MICU1: variants seen among roughly 807,000 people sequenced by gnomAD.
MICU1 encodes calcium uptake protein 1, mitochondrial.
In MICU1, 45 loss-of-function variants were observed where a neutral mutation model predicts 56.8. The ratio of observed to expected loss-of-function variants is 0.79; its 90% CI spans 0.62 to 1.02. The LOEUF is 1.02. MICU1 is among the 50% of genes least tolerant of loss of function. The pLI, the probability that MICU1 is intolerant of heterozygous loss-of-function variation, is 0.00. For synonymous variants in MICU1, 186 were observed against 195.1 expected, an observed-to-expected ratio of 0.95 and a Z score of 0.39; for missense variants, 504 against 587.1, an observed-to-expected ratio of 0.86 and a Z score of 1.46.
intron 3 of MICU1, among the ~76,000 whole-genome samples, chr10:72,553,643 T>C (rs762329581): frequency 6.6e-6 from 1 of 152,164 alleles, no homozygotes; most frequent in Non-Finnish European, 1.5e-5. Context: ...TTACTAGCAA[T>C]GAGGACTTTG....
intron 2 of MICU1, among the ~76,000 whole-genome samples, chr10:72,565,285 T>C (rs1297864505): frequency 6.6e-6 from 1 of 151,926 alleles, no homozygotes; most frequent in African/African-American, 2.4e-5. Flanking sequence ...GTGGCACATA[T>C]ACACCATGGA....
At chr10:72,491,386 C>T (rs1202686414) in intron 6 of MICU1, among the ~76,000 whole-genome samples, 1 of 152,164 alleles carries the variant, frequency 6.6e-6, no homozygotes, top group Non-Finnish European at 1.5e-5. Flanking sequence ...TTTAGTTTAC[C>T]TGCTTCATAT....
intron 6 of MICU1, among the ~76,000 whole-genome samples, chr10:72,491,856 C>G (rs1866666704): frequency 6.6e-6 from 1 of 151,634 alleles, no homozygotes; most frequent in Non-Finnish European, 1.5e-5. Flanking sequence ...TCTACAGTAC[C>G]ATAAACACAG....
chr10:72,457,786 G>T (rs985834640), intron 8 of MICU1, among the ~76,000 whole-genome samples: 1 of 152,058 alleles, frequency 6.6e-6, no homozygotes, highest in Non-Finnish European at 1.5e-5. Context: ...ACACCAATGG[G>T]TACAGTAATT....
At chr10:72,541,008 A>G (rs1839760083) in intron 4 of MICU1, among the ~76,000 whole-genome samples, 2 of 152,240 alleles carry the variant, frequency 1.3e-5, no homozygotes, top group Admixed American at 6.5e-5. Context: ...CTATCTACAG[A>G]GCTCAGCTGA....
At chr10:72,533,628 G>T in intron 5 of MICU1, 118 bp downstream of exon 5, 1 of 704,052 alleles carries the variant, frequency 1.4e-6, no homozygotes, top group Non-Finnish European at 2.3e-6. Flanking sequence ...ACCTAAGCAT[G>T]CTCTTTTGGT....
At chr10:72,566,039 CTTTTTTTTT>C (rs11376019) in intron 2 of MICU1, among the ~76,000 whole-genome samples, 3 of 69,838 alleles carry the variant, frequency 4.3e-5, no homozygotes, top group South Asian at 6.1e-4. Flanking sequence ...CATTCATTTT[CTTTTTTTTT>C]TTTTTTTTTT....
chr10:72,551,797 T>A (rs999720292), intron 3 of MICU1, among the ~76,000 whole-genome samples: 39 of 152,274 alleles, frequency 2.6e-4, no homozygotes, highest in African/African-American at 9.1e-4. Context: ...TTCTCTTTTT[T>A]AAAAATTATC....
At chr10:72,389,973 GTTC>G (rs1484648724) in intron 10 of MICU1, among the ~76,000 whole-genome samples, 1 of 152,202 alleles carries the variant, frequency 6.6e-6, no homozygotes, top group Non-Finnish European at 1.5e-5. Context: ...AATAGAACCA[GTTC>G]TTCTTAAGTG....
intron 2 of MICU1, 93 bp downstream of exon 2, chr10:72,566,540 A>C: frequency 1.6e-6 from 2 of 1,281,098 alleles, no homozygotes; most frequent in Non-Finnish European, 2.1e-6. Flanking sequence ...ATTCTGATAC[A>C]GAGTTAAGCC....
intron 8 of MICU1, among the ~76,000 whole-genome samples, chr10:72,429,494 G>T (rs1209741542): frequency 1.3e-5 from 2 of 151,154 alleles, no homozygotes; most frequent in Non-Finnish European, 2.9e-5. Context: ...ACATTAGAAT[G>T]ACTTTAAGAT....
chr10:72,445,073 T>C (rs1370386160), intron 8 of MICU1, among the ~76,000 whole-genome samples: 1 of 152,166 alleles, frequency 6.6e-6, no homozygotes, highest in Non-Finnish European at 1.5e-5. Flanking sequence ...AGTCCAGTTA[T>C]ATATAAAGTT....
intron 1 of MICU1, among the ~76,000 whole-genome samples, chr10:72,572,714 ATACT>A (rs1167489604): frequency 6.6e-6 from 1 of 151,860 alleles, no homozygotes; most frequent in African/African-American, 2.4e-5. Context: ...CTGTGAAAAG[ATACT>A]TAATCTCACT....
intron 1 of MICU1, among the ~76,000 whole-genome samples, chr10:72,584,248 A>C (rs1316596799): frequency 6.6e-6 from 1 of 152,180 alleles, no homozygotes; most frequent in Non-Finnish European, 1.5e-5. Context: ...CAACAATAAA[A>C]CCTGAAACTT....
chr10:72,494,872 T>C (rs1866786647), intron 6 of MICU1, among the ~76,000 whole-genome samples: 2 of 151,110 alleles, frequency 1.3e-5, no homozygotes, highest in African/African-American at 4.9e-5. Context: ...CAAAAAACCA[T>C]GTATAATTTC....
chr10:72,474,791 C>A (rs1866061753), intron 8 of MICU1, among the ~76,000 whole-genome samples: 1 of 152,214 alleles, frequency 6.6e-6, no homozygotes, highest in African/African-American at 2.4e-5. Context: ...AACAAAAAAG[C>A]AGGAATATAT....
Position 72,508,143 on chromosome 10 carries a change from G to A in MICU1, c.652+12C>T, listed in dbSNP as rs774112644. 1.6e-5 allele frequency: 23 copies of A among 1,408,908 alleles called. No individual in the cohort carries two copies. The highest frequency in any genetic ancestry group is 1.8e-5 in the Non-Finnish European group (19 of 1,039,984). 87.3% of individuals were successfully genotyped at this position (1,408,908 alleles called of 1,614,324 possible). A position where few individuals can be genotyped will look rare whatever the true frequency, so the allele number is the denominator to read the frequency against. ...TGCTCTACAAATGGAAAAAGAAAAC[G>A]TTTATACTTACTGGAAAGAACAGTT... On this transcript the variant is annotated intron_variant, in intron 6 of 11. Transcript: ENST00000361114.
At chr10:72,469,129 T>C (rs1194479508) in intron 8 of MICU1, among the ~76,000 whole-genome samples, 7 of 152,238 alleles carry the variant, frequency 4.6e-5, no homozygotes, top group Admixed American at 4.6e-4. Context: ...GCATGTAATG[T>C]ATATAAAGTG....
intron 5 of MICU1, among the ~76,000 whole-genome samples, chr10:72,533,326 T>C (rs1839541845): frequency 6.6e-6 from 1 of 152,210 alleles, no homozygotes; most frequent in East Asian, 1.9e-4. Context: ...TTCATAATTA[T>C]TACAAAAGCA....
Sources: gnomAD v4.1 joint callset for allele counts (sites outside exome capture counted in the v4.1 genomes callset) on GRCh38, gnomAD v4.1.1 for gene constraint, MANE v1.5 for transcripts, NCBI Gene and HGNC (gene_info 2026-07-23, HGNC 2026-07-21) for gene names.